The following RAPGEF5 variants were observed in gnomAD, a reference collection of about 807,000 sequenced individuals.
The protein encoded by RAPGEF5 is M-Ras-regulated GEF.
RAPGEF5 carries 65 observed loss-of-function variants against 125.2 expected under a neutral mutation model. The ratio of observed to expected loss-of-function variants is 0.52; its 90% CI spans 0.43 to 0.64. The LOEUF is 0.64. Ranked by LOEUF, RAPGEF5 falls within the 30% of genes least tolerant of loss-of-function variation. RAPGEF5 has a pLI of 0.00. For synonymous variants in RAPGEF5, 391 were observed against 385.9 expected (o/e 1.01, Z -0.16); for missense variants, 958 against 1,048.1 (o/e 0.91, Z 1.19).
At chr7:22,243,555 C>CA (rs910766040) in intron 7 of RAPGEF5, among the ~76,000 whole-genome samples, 29 of 148,282 alleles carry the variant, frequency 2.0e-4, no homozygotes, top group East Asian at 3.9e-4. Flanking sequence ...TGTGCTCAGC[C>CA]AAAAAAAAAT....
At chr7:22,136,538 T>G (rs953904477) in intron 22 of RAPGEF5, among the ~76,000 whole-genome samples, 1 of 151,900 alleles carries the variant, frequency 6.6e-6, no homozygotes, top group Non-Finnish European at 1.5e-5. Flanking sequence ...TGTTTTTTTG[T>G]ATTCTAAAAA....
chr7:22,176,355 C>G (rs921254568), intron 11 of RAPGEF5, among the ~76,000 whole-genome samples: 2 of 152,122 alleles, frequency 1.3e-5, no homozygotes, highest in Non-Finnish European at 2.9e-5. Flanking sequence ...AACAGAAATT[C>G]TAGGAATTCT....
chr7:22,254,127 G>T (rs1355676523), intron 7 of RAPGEF5, among the ~76,000 whole-genome samples: 1 of 152,126 alleles, frequency 6.6e-6, no homozygotes, highest in African/African-American at 2.4e-5. Context: ...CTGGTGTCCA[G>T]TTTCAAACCT....
At position 22,357,134 on chromosome 7, in the gene RAPGEF5, A is replaced by G; in HGVS notation, c.-74T>C. 16 of 796,786 alleles carry G rather than the reference A, an allele frequency of 2.0e-5. No homozygotes were observed. The highest frequency in any genetic ancestry group is 2.1e-5 in the Non-Finnish European group (14 of 653,480). The allele number at this position is 796,786 out of a possible 1,614,324, so 49.4% of individuals were successfully genotyped here. A position where few individuals can be genotyped will look rare whatever the true frequency, so the allele number is the denominator to read the frequency against. ...TCCGCGCGCCGTCCGCGCCTTCGCCAGGAAGCGAGAGGGCGCGACTGCGGC... is the reference window on the plus strand; with the variant it reads ...TCCGCGCGCCGTCCGCGCCTTCGCCGGGAAGCGAGAGGGCGCGACTGCGGC... On this transcript the variant is annotated 5_prime_UTR_variant, in exon 1 of 26. Coordinates refer to ENST00000665637, the MANE Select transcript of RAPGEF5 (RefSeq NM_012294.5).
chr7:22,272,368 G>GA (rs1056327387), intron 6 of RAPGEF5, among the ~76,000 whole-genome samples: 5 of 104,408 alleles, frequency 4.8e-5, no homozygotes, highest in Non-Finnish European at 8.7e-5. Context: ...AAAAAAGAAG[G>GA]AAAAAAAAGA....
At chr7:22,222,330 C>T (rs1375241112) in intron 8 of RAPGEF5, among the ~76,000 whole-genome samples, 1 of 151,560 alleles carries the variant, frequency 6.6e-6, no homozygotes, top group Admixed American at 6.6e-5. Context: ...TAATATATGA[C>T]AGAAAAAACA....
At chr7:22,213,785 C>A (rs944311666) in intron 9 of RAPGEF5, among the ~76,000 whole-genome samples, 2 of 152,184 alleles carry the variant, frequency 1.3e-5, no homozygotes, top group Admixed American at 6.5e-5. Context: ...TTAGAAAGTT[C>A]TACTTCTCTT....
At position 22,166,866 on chromosome 7, in the gene RAPGEF5, T is replaced by C. The variant is rs551705761; in HGVS notation, c.1283+204A>G. ...TAAACAGTGTAATATAGCCACAACA[T>C]AGAATGTGAAAACAGCTGTTCACAT... On this transcript the variant is annotated intron_variant, in intron 12 of 25. Transcript: ENST00000665637. Among the ~76,000 whole-genome samples the C allele has an allele frequency of 3.7e-4, 56 of 152,360 alleles. 1 individual carries two copies. Among genetic ancestry groups the C allele is most frequent in the African/African-American group, 1.3e-3 (54 of 41,594 alleles).
At chr7:22,143,688 A>C (rs1158345846) in intron 20 of RAPGEF5, among the ~76,000 whole-genome samples, 1 of 152,194 alleles carries the variant, frequency 6.6e-6, no homozygotes, top group Non-Finnish European at 1.5e-5. Context: ...AATAGATTCA[A>C]AGGCAACTTC....
At chr7:22,220,604 A>T (rs544174342) in intron 8 of RAPGEF5, among the ~76,000 whole-genome samples, 35 of 152,310 alleles carry the variant, frequency 2.3e-4, no homozygotes, top group African/African-American at 7.5e-4. Context: ...GAAAGCTTGA[A>T]ATTTCATTCA....
chr7:22,279,014 C>T (rs1782617011), intron 6 of RAPGEF5, among the ~76,000 whole-genome samples: 2 of 152,156 alleles, frequency 1.3e-5, no homozygotes, highest in South Asian at 2.1e-4. Flanking sequence ...TAATTCCTTA[C>T]CCAGCTACAT....
At chr7:22,279,252 TTAAG>T (rs1427623989) in intron 6 of RAPGEF5, among the ~76,000 whole-genome samples, 1 of 152,204 alleles carries the variant, frequency 6.6e-6, no homozygotes, top group Non-Finnish European at 1.5e-5. Context: ...TTTAAGTAGA[TTAAG>T]TGTTAATCCA....
chr7:22,314,228 G>T (rs2128154081), intron 3 of RAPGEF5, among the ~76,000 whole-genome samples: 1 of 152,262 alleles, frequency 6.6e-6, no homozygotes, highest in Non-Finnish European at 1.5e-5. Flanking sequence ...TGCAGGGAAT[G>T]GTTACTGGCT....
chr7:22,126,882 C>A (rs1057393633), intron 24 of RAPGEF5, among the ~76,000 whole-genome samples: 1 of 152,102 alleles, frequency 6.6e-6, no homozygotes, highest in Admixed American at 6.5e-5. Context: ...ATTGGCCTCC[C>A]AGAATGCTGA....
Position 22,262,658 on chromosome 7 carries a change from G to A in RAPGEF5, c.796+4306C>T, listed in dbSNP as rs577053790. 5.9e-5 allele frequency among the ~76,000 whole-genome samples: 9 copies of A among 152,266 alleles called. No homozygotes were observed. The South Asian group carries it at 1.9e-3, about 32-fold the overall frequency. ...GTTTGTAGTAGCTTCATTCAAAATA[G>A]CCAAAGAACTGGAAACAACCCAGAT... On this transcript the variant is annotated intron_variant, in intron 7 of 25. Transcript: ENST00000665637.
At chr7:22,348,894 C>T (rs950744669) in intron 1 of RAPGEF5, among the ~76,000 whole-genome samples, 9 of 152,112 alleles carry the variant, frequency 5.9e-5, no homozygotes, top group Admixed American at 1.3e-4. Context: ...TGAGACCAGC[C>T]TGGCCAACGT....
chr7:22,203,819 G>A (rs1785335550), intron 9 of RAPGEF5, among the ~76,000 whole-genome samples: 1 of 152,158 alleles, frequency 6.6e-6, no homozygotes, highest in Non-Finnish European at 1.5e-5. Flanking sequence ...GGCAACTGAG[G>A]CATGGTACAG....
chr7:22,270,898 T>G (rs539923768), intron 6 of RAPGEF5, among the ~76,000 whole-genome samples: 35 of 152,322 alleles, frequency 2.3e-4, no homozygotes, highest in African/African-American at 7.9e-4. Flanking sequence ...CCACCAAATA[T>G]GTTCAGTTTT....
intron 6 of RAPGEF5, among the ~76,000 whole-genome samples, chr7:22,267,797 C>G (rs1376617751): frequency 6.6e-6 from 1 of 151,996 alleles, no homozygotes; most frequent in East Asian, 1.9e-4. Context: ...GAAGCTCTCT[C>G]CCCTTCAGGA....
Sources: allele counts gnomAD v4.1 joint callset (sites outside exome capture counted in the v4.1 genomes callset), GRCh38; gene constraint gnomAD v4.1.1; transcripts MANE v1.5; gene names NCBI Gene and HGNC (gene_info 2026-07-23, HGNC 2026-07-21).